The following DPF2 variants were observed in gnomAD, a reference collection of about 807,000 sequenced individuals.
The protein encoded by DPF2 is double PHD fingers 2.
A neutral mutation model predicts 59.6 loss-of-function variants in DPF2; 10 were observed. The observed-to-expected ratio is 0.17, with a 90% CI of 0.10 to 0.28. DPF2 has a LOEUF of 0.28. DPF2 is among the 10% of genes least tolerant of loss of function. DPF2 has a pLI of 1.00. For missense variants in DPF2, 315 were observed against 509.4 expected (o/e 0.62, Z 3.67); for synonymous variants, 189 against 190.6 (o/e 0.99, Z 0.07).
chr11:65,349,212 A>T (rs538912420), intron 10 of DPF2, among the ~76,000 whole-genome samples: 1 of 152,186 alleles, frequency 6.6e-6, no homozygotes, highest in African/African-American at 2.4e-5. Flanking sequence ...TTTTCTTCCA[A>T]CCAGTCCAGA....
At position 65,351,811 on chromosome 11, in the gene DPF2, C is replaced by A. The variant is rs1279886943; in HGVS notation, c.*52C>A. On this transcript the variant is annotated 3_prime_UTR_variant, in exon 11 of 11. Coordinates refer to ENST00000528416, the MANE Select transcript of DPF2 (RefSeq NM_006268.5). Reference sequence around the variant, plus strand: ...TATCTAAGGCTGTTTCTCTCCTCCACTTCATATTTCATACCCATCTTTCCC... The same window carrying A: ...TATCTAAGGCTGTTTCTCTCCTCCAATTCATATTTCATACCCATCTTTCCC... 1.3e-6 allele frequency: 2 copies of A among 1,560,114 alleles called. No individual in the cohort carries two copies. The highest frequency in any genetic ancestry group is 1.1e-5 in the South Asian group (1 of 89,912).
In DPF2 at chr11:65,345,635, C is replaced by T; in HGVS notation, c.638-31C>T. ...GGGACATGGCACTCTTGTATCCTAA[C>T]ACCTTTCTCTGCAATCTTCTTCCCA... On this transcript the variant is annotated intron_variant, in intron 6 of 10. Transcript: ENST00000528416. 2.5e-6 allele frequency: 4 copies of T among 1,613,090 alleles called. No homozygotes were observed. In the East Asian group the frequency reaches 8.9e-5, roughly 36 times the overall value.
chr11:65,336,963 C>T (rs1273937204), intron 1 of DPF2, among the ~76,000 whole-genome samples: 2 of 151,800 alleles, frequency 1.3e-5, no homozygotes, highest in African/African-American at 4.8e-5. Context: ...TGGCGTGCAC[C>T]TGTAGTCCCA....
chr11:65,333,940 T>C, intron 1 of DPF2, 22 bp downstream of exon 1: 6 of 1,612,966 alleles, frequency 3.7e-6, no homozygotes, highest in Non-Finnish European at 5.1e-6. Flanking sequence ...TTTCTTTCTC[T>C]CCTAGGGCGG....
chr11:65,337,494 TA>T (rs1854214692), intron 1 of DPF2, among the ~76,000 whole-genome samples: 1 of 62,570 alleles, frequency 1.6e-5, no homozygotes, highest in Non-Finnish European at 3.0e-5. Context: ...TATATATATA[TA>T]TATATATATA....
intron 6 of DPF2, 187 bp from the exon 7 acceptor site, chr11:65,345,479 G>A: frequency 1.4e-6 from 1 of 726,014 alleles, no homozygotes; most frequent in Admixed American, 2.9e-5. Flanking sequence ...AGAAGCTAGA[G>A]AGCCCCACGG....
chr11:65,337,452 CAAAAAAAA>C lies in DPF2; in HGVS notation c.33-2917_33-2910del, dbSNP rs750931920. On this transcript the variant is annotated intron_variant, in intron 1 of 10. Coordinates refer to ENST00000528416, the MANE Select transcript of DPF2 (RefSeq NM_006268.5). ...TGGGCGGCAAAGCAAGACTCTATCT[CAAAAAAAA>C]AAAAAAAAAAAAAAATATATATATA... is the stretch of plus-strand genomic sequence containing the variant. Among the ~76,000 whole-genome samples, 83 of 13,504 alleles carry C rather than the reference CAAAAAAAA, an allele frequency of 6.1e-3. 1 individual carries two copies. The highest frequency in any genetic ancestry group is 0.022 in the African/African-American group (75 of 3,430). The allele number at this position is 13,504 out of a possible 152,430, so 8.9% of individuals were successfully genotyped here.
At chr11:65,346,117 T>A in intron 8 of DPF2, 59 bp downstream of exon 8, 1 of 1,608,664 alleles carries the variant, frequency 6.2e-7, no homozygotes, top group Non-Finnish European at 8.5e-7. Flanking sequence ...CTTGGCTTGC[T>A]GGCCTCTAGG....
intron 1 of DPF2, among the ~76,000 whole-genome samples, chr11:65,335,825 T>A (rs1301701534): frequency 6.6e-6 from 1 of 152,132 alleles, no homozygotes; most frequent in Admixed American, 6.6e-5. Context: ...TTTTTTTTAT[T>A]TTTTTAGACA....
In DPF2 at chr11:65,353,943, A is replaced by G. The variant is rs1208397548; in HGVS notation, c.*2184A>G. On this transcript the variant is annotated 3_prime_UTR_variant, in exon 11 of 11. Coordinates refer to ENST00000528416, the MANE Select transcript of DPF2 (RefSeq NM_006268.5). ...CGAGAGCCAGAAAAGAAATGTGGAA[A>G]ATAAGAACGCTGTAGCAGGCCTAGG... Among the ~76,000 whole-genome samples, 1 of 152,204 alleles carries G rather than the reference A, an allele frequency of 6.6e-6. No individual in the cohort carries two copies. Among genetic ancestry groups the G allele is most frequent in the African/African-American group, 2.4e-5 (1 of 41,460 alleles).
chr11:65,345,738 A>C lies in DPF2; in HGVS notation c.710A>C (p.Glu237Ala). 6.2e-7 allele frequency: 1 copy of C among 1,614,066 alleles called. No homozygotes were observed. Among genetic ancestry groups the C allele is most frequent in the East Asian group, 2.2e-5 (1 of 44,882 alleles). ...HYAHSHLAEE[E>A]GEDKEDSQPP... Reference sequence around the variant, plus strand: ...GCCCACTCCCACTTGGCTGAGGAGGAGGGCGAGGACAAGGAAGACTCTCAA... The same window carrying C: ...GCCCACTCCCACTTGGCTGAGGAGGCGGGCGAGGACAAGGAAGACTCTCAA... Residue 237 changes from glutamate (E) to alanine (A), a missense_variant, in exon 7 of 11, where the codon GAG (glutamate) becomes GCG (alanine). By Grantham distance (107) the Glu-to-Ala change is moderately radical. Transcript: ENST00000528416.
In DPF2 at chr11:65,333,886, G is replaced by C; in HGVS notation, c.-1G>C. On this transcript the variant is annotated 5_prime_UTR_variant, in exon 1 of 11. Coordinates refer to ENST00000528416, the MANE Select transcript of DPF2 (RefSeq NM_006268.5). ...CGGCCCGAGGCAGAGGAACAGGGAA[G>C]ATGGCGGCTGTGGTGGAGAATGTAG... The C allele has an allele frequency of 6.2e-7, 1 of 1,614,042 alleles. No individual in the cohort carries two copies. The highest frequency in any genetic ancestry group is 8.5e-7 in the Non-Finnish European group (1 of 1,179,978).
chr11:65,348,611 G>GGA (rs1854606801), intron 9 of DPF2: 20 of 239,862 alleles, frequency 8.3e-5, no homozygotes, highest in African/African-American at 3.8e-4. Flanking sequence ...GGGCTTTAGG[G>GGA]AAAAAAAAAA....
intron 4 of DPF2, among the ~76,000 whole-genome samples, chr11:65,342,512 AG>A (rs1354693376): frequency 6.6e-6 from 1 of 152,214 alleles, no homozygotes; most frequent in African/African-American, 2.4e-5. Flanking sequence ...TTTGTGTCAC[AG>A]TTTTTTGGTC....
rs376357637 is a variant in DPF2 at position 65,340,491 on chromosome 11, G to A, written c.139G>A (p.Gly47Arg). The change falls in exon 2 of 11, where the codon GGA becomes AGA. Residue 47 changes from glycine (G) to arginine (R), a missense_variant. Coordinates refer to ENST00000528416, the MANE Select transcript of DPF2 (RefSeq NM_006268.5). ...VRLPFLDSQT[G>R]VAQSNCYIWM... ...CCTGCCTTTCTTGGACTCACAGACC[G>A]GAGTAGCCCAGAGCAATTGTTACAT... 6.8e-6 allele frequency: 11 copies of A among 1,614,138 alleles called. No individual in the cohort carries two copies. The highest frequency in any genetic ancestry group is 2.7e-5 in the African/African-American group (2 of 74,944).
At position 65,353,615 on chromosome 11, in the gene DPF2, G is replaced by A. The variant is rs756598898; in HGVS notation, c.*1856G>A. On this transcript the variant is annotated 3_prime_UTR_variant, in exon 11 of 11. Transcript: ENST00000528416. ...ACATGTGGAGAGCTTACGTGGCAGC[G>A]CGTATGTCTTCAGTGTGTGTTTTAG... 2.0e-5 allele frequency among the ~76,000 whole-genome samples: 3 copies of A among 152,166 alleles called. No individual in the cohort carries two copies. Among genetic ancestry groups the A allele is most frequent in the Non-Finnish European group, 4.4e-5 (3 of 68,030 alleles).
intron 1 of DPF2, 81 bp downstream of exon 1, chr11:65,333,999 A>T: frequency 6.4e-7 from 1 of 1,558,956 alleles, no homozygotes; most frequent in Non-Finnish European, 8.7e-7. Context: ...GGAAGGGACT[A>T]GGCGGAGAGA....
chr11:65,348,840 C>A lies in DPF2; in HGVS notation c.1018-10C>A. 1 of 1,614,114 alleles carries A rather than the reference C, an allele frequency of 6.2e-7. No homozygotes were observed. The highest frequency in any genetic ancestry group is 2.2e-5 in the East Asian group (1 of 44,880). Reference sequence around the variant, plus strand: ...TCAGTCCCCATCCTCTTCCCTCTTGCCTACTTCAGGACCAGTTGCTCTTCT... The same window carrying A: ...TCAGTCCCCATCCTCTTCCCTCTTGACTACTTCAGGACCAGTTGCTCTTCT... On this transcript the variant is annotated splice_polypyrimidine_tract_variant and intron_variant, in intron 9 of 10. Coordinates refer to ENST00000528416, the MANE Select transcript of DPF2 (RefSeq NM_006268.5).
Position 65,345,654 on chromosome 11 carries a change from C to G in DPF2, c.638-12C>G, listed in dbSNP as rs191368000. 3 of 1,614,046 alleles carry G rather than the reference C, an allele frequency of 1.9e-6. No homozygotes were observed. The highest frequency in any genetic ancestry group is 2.7e-5 in the African/African-American group (2 of 75,048). ...TCCTAACACCTTTCTCTGCAATCTT[C>G]TTCCCACTCAGTTTGTGGAAAACGT... On this transcript the variant is annotated splice_polypyrimidine_tract_variant and intron_variant, in intron 6 of 10. Transcript: ENST00000528416.
Sources: allele counts gnomAD v4.1 joint callset (sites outside exome capture counted in the v4.1 genomes callset), GRCh38; gene constraint gnomAD v4.1.1; transcripts MANE v1.5; gene names NCBI Gene and HGNC (gene_info 2026-07-23, HGNC 2026-07-21).